The following AFF2 variants were observed in gnomAD, a reference collection of about 807,000 sequenced individuals.
AFF2 encodes the protein AF4/FMR2 family member 2.
Under a neutral mutation model 76.9 loss-of-function variants are expected in AFF2, and 14 were observed. The ratio of observed to expected loss-of-function variants is 0.18; its 90% CI spans 0.12 to 0.28. AFF2 has a LOEUF of 0.28. Among genes scored for constraint, AFF2 ranks in the 10% least tolerant of loss-of-function variants. AFF2 has a pLI of 1.00. For missense variants in AFF2, 868 were observed against 1,001.1 expected (o/e 0.87, Z 1.79); for synonymous variants, 398 against 366.7 (o/e 1.09, Z -0.98).
At position 148,981,975 on chromosome X, in the gene AFF2, G is replaced by T. The variant is rs185815566; in HGVS notation, c.3623+1185G>T. ...AATTAGGTCTTACTCTTATATTGAC[G>T]AACAAAAGAGAAAGAGTGCTTCTCT... On this transcript the variant is annotated intron_variant, in intron 19 of 20. Coordinates refer to ENST00000370460, the MANE Select transcript of AFF2 (RefSeq NM_002025.4). Among the ~76,000 whole-genome samples, 497 of 111,476 alleles carry T rather than the reference G, an allele frequency of 4.5e-3. 2 individuals carry two copies. The highest frequency in any genetic ancestry group is 0.016 in the African/African-American group (480 of 30,657).
chrX:148,903,189 C>T (rs782552279), intron 8 of AFF2, among the ~76,000 whole-genome samples: 1 of 111,538 alleles, frequency 9.0e-6, no homozygotes, highest in Admixed American at 9.6e-5. Flanking sequence ...TGCTTCAATG[C>T]TCTTTTTATC....
chrX:148,792,218 T>C (rs1354976486), intron 3 of AFF2, among the ~76,000 whole-genome samples: 30 of 111,854 alleles, frequency 2.7e-4, no homozygotes, highest in Non-Finnish European at 4.9e-4. Context: ...AGTTGTCATG[T>C]AGAATAAGCA....
chrX:148,884,125 C>G (rs1330890028), intron 7 of AFF2, among the ~76,000 whole-genome samples: 2 of 112,131 alleles, frequency 1.8e-5, no homozygotes, highest in African/African-American at 6.5e-5. Flanking sequence ...ATTATTTGTT[C>G]AGAGTCAGAA....
chrX:148,682,186 T>C (rs1417699016), intron 3 of AFF2, among the ~76,000 whole-genome samples: 1 of 112,116 alleles, frequency 8.9e-6, no homozygotes, highest in Admixed American at 9.4e-5. Context: ...TAAAAATATG[T>C]AATCCTAATT....
Position 148,886,565 on chromosome X carries a change from C to A in AFF2, c.1359+580C>A, listed in dbSNP as rs782518259. Among the ~76,000 whole-genome samples the A allele has an allele frequency of 8.0e-5, 9 of 112,114 alleles. No individual in the cohort carries two copies. In the East Asian group the frequency reaches 2.5e-3, roughly 32 times the overall value. On this transcript the variant is annotated intron_variant, in intron 8 of 20. Coordinates refer to ENST00000370460, the MANE Select transcript of AFF2 (RefSeq NM_002025.4). ...AGTATTTTACCACCAAATGAGATGG[C>A]AGGAATGTGTGTTTTCAGCATTTCA...
At chrX:148,789,790 C>T (rs782122159) in intron 3 of AFF2, among the ~76,000 whole-genome samples, 4 of 111,683 alleles carry the variant, frequency 3.6e-5, no homozygotes, top group South Asian at 7.6e-4. Context: ...CATTGTTAAT[C>T]GGTATAATCA....
Position 148,962,733 on chromosome X carries a change from A to G in AFF2, c.2709A>G (p.Arg903=). Residue 903 remains arginine, a synonymous_variant, in exon 13 of 21, where the codon AGA becomes AGG. Transcript: ENST00000370460. ...TTCACAGAAATAATTCATCCAGGAG[A>G]GCAAATAGAAGAAAGGAAGAAAAAC... ...PNTRENNSSR[R]ANRRKEEKLF... 3.3e-6 allele frequency: 4 copies of G among 1,207,908 alleles called. No homozygotes were observed. Among genetic ancestry groups the G allele is most frequent in the Non-Finnish European group, 4.5e-6 (4 of 892,427 alleles).
At chrX:148,641,368 C>T (rs781891031) in intron 1 of AFF2, among the ~76,000 whole-genome samples, 1 of 111,735 alleles carries the variant, frequency 8.9e-6, no homozygotes, top group South Asian at 3.8e-4. Flanking sequence ...ATGCATTATT[C>T]CTCTCTAGTG....
chrX:148,879,738 ATAT>A (rs1253900880), intron 7 of AFF2, among the ~76,000 whole-genome samples: 1 of 104,142 alleles, frequency 9.6e-6, no homozygotes, highest in African/African-American at 3.5e-5. Flanking sequence ...GTGTCGTGAA[ATAT>A]TATTCTTCTT....
At chrX:148,530,057 G>A (rs1194049760) in intron 1 of AFF2, among the ~76,000 whole-genome samples, 10 of 111,182 alleles carry the variant, frequency 9.0e-5, no homozygotes, top group African/African-American at 2.6e-4. Context: ...TATCAGACAG[G>A]TTAATATGTG....
chrX:148,885,545 T>C (rs1557278973), intron 7 of AFF2, among the ~76,000 whole-genome samples: 2 of 111,377 alleles, frequency 1.8e-5, no homozygotes. Flanking sequence ...CCTTGTCCTG[T>C]AGAGATCCAG....
At chrX:148,533,299 A>AT (rs1205512666) in intron 1 of AFF2, among the ~76,000 whole-genome samples, 44 of 106,239 alleles carry the variant, frequency 4.1e-4, no homozygotes, top group East Asian at 1.5e-3. Flanking sequence ...TTTGATTATT[A>AT]TTTTTTTTTT....
chrX:148,782,837 G>A (rs1270700285), intron 3 of AFF2, among the ~76,000 whole-genome samples: 9 of 111,380 alleles, frequency 8.1e-5, no homozygotes, highest in African/African-American at 2.0e-4. Context: ...AGTAAAAAAC[G>A]GCATCTAGGT....
chrX:148,580,231 G>C (rs1482163121), intron 1 of AFF2, among the ~76,000 whole-genome samples: 3 of 111,275 alleles, frequency 2.7e-5, no homozygotes, highest in African/African-American at 9.8e-5. Context: ...CTATTTGCCA[G>C]ATGGCTGCTA....
chrX:148,965,840 T>C (rs1557288591), intron 13 of AFF2, among the ~76,000 whole-genome samples: 1 of 111,300 alleles, frequency 9.0e-6, no homozygotes, highest in African/African-American at 3.3e-5. Context: ...GAGTGAACTT[T>C]GGGGAACACC....
chrX:148,599,297 A>C (rs1291359681), intron 1 of AFF2, among the ~76,000 whole-genome samples: 2 of 112,402 alleles, frequency 1.8e-5, no homozygotes, highest in Non-Finnish European at 3.8e-5. Flanking sequence ...TGAATTGAAA[A>C]ATATATATGT....
chrX:148,907,361 A>G (rs1284241667), intron 9 of AFF2, among the ~76,000 whole-genome samples: 1 of 112,052 alleles, frequency 8.9e-6, no homozygotes, highest in Non-Finnish European at 1.9e-5. Flanking sequence ...ATCATGTTAA[A>G]AGAACATGTG....
intron 1 of AFF2, among the ~76,000 whole-genome samples, chrX:148,639,638 G>T (rs956033895): frequency 8.9e-6 from 1 of 112,086 alleles, no homozygotes. Flanking sequence ...TATTGTGTGT[G>T]TAAGGGTGTA....
intron 9 of AFF2, among the ~76,000 whole-genome samples, chrX:148,910,069 CAG>C (rs201998867): frequency 2.7e-5 from 3 of 110,335 alleles, no homozygotes; most frequent in Non-Finnish European, 1.9e-5. Flanking sequence ...GAGAAAGAAA[CAG>C]AGAGAGAGAG....
Sources: allele counts gnomAD v4.1 joint callset (sites outside exome capture counted in the v4.1 genomes callset), GRCh38; gene constraint gnomAD v4.1.1; transcripts MANE v1.5; gene names NCBI Gene and HGNC (gene_info 2026-07-23, HGNC 2026-07-21).